UBAC2: variants seen among roughly 807,000 people sequenced by gnomAD.
The protein encoded by UBAC2 is UBA domain containing 2.
A neutral mutation model predicts 44.0 loss-of-function variants in UBAC2; 26 were observed. The ratio of observed to expected loss-of-function variants is 0.59; its 90% confidence interval spans 0.43 to 0.82. UBAC2 has a LOEUF of 0.82. UBAC2 is among the 40% of genes least tolerant of loss of function. The pLI, the probability that UBAC2 is intolerant of heterozygous loss-of-function variation, is 0.00. For synonymous variants in UBAC2, 155 were observed against 154.3 expected, an observed-to-expected ratio of 1.00 and a Z score of -0.04; for missense variants, 329 against 419.4, an observed-to-expected ratio of 0.78 and a Z score of 1.88.
At chr13:99,368,338 G>GA (rs1321937608) in intron 8 of UBAC2, among the ~76,000 whole-genome samples, 2 of 152,110 alleles carry the variant, frequency 1.3e-5, no homozygotes, top group Non-Finnish European at 2.9e-5. Flanking sequence ...ATGTAAAACT[G>GA]AAAAGAAACA....
At chr13:99,313,666 A>G (rs1448584344) in intron 4 of UBAC2, among the ~76,000 whole-genome samples, 1 of 152,048 alleles carries the variant, frequency 6.6e-6, no homozygotes, top group Non-Finnish European at 1.5e-5. Flanking sequence ...TGAGGAAGGG[A>G]GGGCCAGAGG....
intron 1 of UBAC2, among the ~76,000 whole-genome samples, chr13:99,204,258 G>A (rs1426538349): frequency 1.3e-5 from 2 of 152,186 alleles, no homozygotes; most frequent in African/African-American, 2.4e-5. Context: ...ATTGCAGGGG[G>A]TAGGCTGGTT....
intron 1 of UBAC2, among the ~76,000 whole-genome samples, chr13:99,206,968 C>T (rs1227484831): frequency 6.6e-6 from 1 of 152,258 alleles, no homozygotes; most frequent in Non-Finnish European, 1.5e-5. Flanking sequence ...AATGAAGCAG[C>T]CTTCTCCTGA....
intron 4 of UBAC2, chr13:99,307,934 G>A (rs1018208141): frequency 6.6e-6 from 1 of 152,206 alleles, no homozygotes; most frequent in Non-Finnish European, 1.5e-5. Context: ...GAGTGGACTG[G>A]ATTAGTCGCC....
intron 4 of UBAC2, among the ~76,000 whole-genome samples, chr13:99,290,750 A>G (rs1478925917): frequency 1.3e-5 from 2 of 150,884 alleles, no homozygotes; most frequent in East Asian, 1.9e-4. Context: ...AAAAAGAAAG[A>G]AAGAAAGAAA....
chr13:99,318,945 A>G (rs937360358), intron 6 of UBAC2, among the ~76,000 whole-genome samples: 1 of 151,686 alleles, frequency 6.6e-6, no homozygotes, highest in Admixed American at 6.6e-5. Context: ...TTTAAATCAT[A>G]GAAAAAAAAA....
intron 4 of UBAC2, among the ~76,000 whole-genome samples, chr13:99,269,686 AT>A (rs927477631): frequency 1.3e-5 from 2 of 152,168 alleles, no homozygotes; most frequent in African/African-American, 4.8e-5. Flanking sequence ...AATAAATTAC[AT>A]TTTTCATATT....
At chr13:99,304,827 C>G (rs948704126) in intron 4 of UBAC2, among the ~76,000 whole-genome samples, 1 of 152,158 alleles carries the variant, frequency 6.6e-6, no homozygotes, top group Non-Finnish European at 1.5e-5. Flanking sequence ...ACATTCAGTA[C>G]AATACATTTT....
chr13:99,314,733 T>C (rs2044465491), intron 5 of UBAC2: 1 of 152,894 alleles, frequency 6.5e-6, no homozygotes, highest in Non-Finnish European at 1.5e-5. Context: ...CACCATTTGC[T>C]AAATGGTTTG....
chr13:99,365,535 A>AT (rs1293857294), intron 7 of UBAC2, among the ~76,000 whole-genome samples: 1 of 151,776 alleles, frequency 6.6e-6, no homozygotes, highest in Non-Finnish European at 1.5e-5. Context: ...CATTATGAGG[A>AT]TTTTTTTGGT....
intron 4 of UBAC2, among the ~76,000 whole-genome samples, chr13:99,286,260 G>T (rs888154988): frequency 9.9e-5 from 15 of 152,190 alleles, no homozygotes; most frequent in South Asian, 4.1e-4. Context: ...GACTTCAAAT[G>T]TATATATACA....
At chr13:99,250,253 G>A (rs1210752660) in intron 4 of UBAC2, among the ~76,000 whole-genome samples, 1 of 152,120 alleles carries the variant, frequency 6.6e-6, no homozygotes, top group Admixed American at 6.5e-5. Flanking sequence ...TGCAAGGTAG[G>A]GGTACAGTTT....
chr13:99,337,285 T>C (rs1286989899), intron 6 of UBAC2, among the ~76,000 whole-genome samples: 1 of 152,080 alleles, frequency 6.6e-6, no homozygotes, highest in Non-Finnish European at 1.5e-5. Flanking sequence ...TTCCTATTCA[T>C]GGAACTGGTA....
At chr13:99,226,189 G>A (rs927239743) in intron 1 of UBAC2, among the ~76,000 whole-genome samples, 1 of 152,184 alleles carries the variant, frequency 6.6e-6, no homozygotes, top group South Asian at 2.1e-4. Context: ...GTGAAGGCTT[G>A]GGGGAGCATA....
rs917921950 is a variant in UBAC2, at chr13:99,245,711, C to T, written c.389+1087C>T. On this transcript the variant is annotated intron_variant, in intron 4 of 8. Transcript: ENST00000403766. ...CAAAAATTAGTTGGGCGTGGTGGCA[C>T]GTAGTCCCAGCTGCTCAGGAGGCTG... is the stretch of plus-strand genomic sequence containing the variant. Among the ~76,000 whole-genome samples the T allele has an allele frequency of 2.0e-5, 3 of 152,074 alleles. No homozygotes were observed. In the East Asian group the frequency reaches 5.8e-4, roughly 29 times the overall value.
chr13:99,360,105 C>CT (rs2045245074), intron 7 of UBAC2, among the ~76,000 whole-genome samples: 1 of 146,150 alleles, frequency 6.8e-6, no homozygotes, highest in African/African-American at 2.5e-5. Context: ...CTCCATTTTA[C>CT]TCTTTTATGG....
chr13:99,232,773 A>G (rs1034122831), intron 1 of UBAC2, among the ~76,000 whole-genome samples: 14 of 151,918 alleles, frequency 9.2e-5, no homozygotes, highest in African/African-American at 3.1e-4. Flanking sequence ...ACAAAAAAAC[A>G]AAAACAACGA....
rs1356313566 is a variant in UBAC2 at position 99,237,253 on chromosome 13, C to T, written c.32-1174C>T. Among the ~76,000 whole-genome samples, 7 of 71,526 alleles carry T rather than the reference C, an allele frequency of 9.8e-5. No individual in the cohort carries two copies. In the East Asian group the frequency reaches 1.4e-3, roughly 14 times the overall value. The allele number at this position is 71,526 out of a possible 152,430, so 46.9% of individuals were successfully genotyped here. On this transcript the variant is annotated intron_variant, in intron 1 of 8. Transcript: ENST00000403766. ...GATGATAGATAAAGAAAATTTTATG[C>T]GTATATATATATATATATACACACA...
At chr13:99,235,549 A>G (rs993999569) in intron 1 of UBAC2, among the ~76,000 whole-genome samples, 15 of 152,250 alleles carry the variant, frequency 9.9e-5, no homozygotes, top group African/African-American at 3.1e-4. Context: ...TAACCAAATC[A>G]GCAGGATACT....
Sources: gnomAD v4.1 joint callset for allele counts (sites outside exome capture counted in the v4.1 genomes callset) on GRCh38, gnomAD v4.1.1 for gene constraint, MANE v1.5 for transcripts, NCBI Gene and HGNC (gene_info 2026-07-23, HGNC 2026-07-21) for gene names.